The following NDUFS4 variants were observed in gnomAD, a reference collection of about 807,000 sequenced individuals.
The protein encoded by NDUFS4 is NADH:ubiquinone oxidoreductase subunit S4, also known as NADH dehydrogenase [ubiquinone] iron-sulfur protein 4, mitochondrial.
Under a neutral mutation model 24.3 loss-of-function variants are expected in NDUFS4, and 28 were observed. The ratio of observed to expected loss-of-function variants is 1.15; its 90% confidence interval spans 0.85 to 1.58. The LOEUF (loss-of-function observed/expected upper bound fraction) is 1.58, where lower values mean the gene tolerates loss of function less well. Ranked by LOEUF, NDUFS4 falls within the 40% of genes most tolerant of loss-of-function variation. The pLI is 0.00. For synonymous variants in NDUFS4, 93 were observed against 69.7 expected (o/e 1.34, Z -1.67); for missense variants, 223 against 207.9 (o/e 1.07, Z -0.45).
chr5:53,644,240 TTTCC>T (rs1751785001), intron 2 of NDUFS4, among the ~76,000 whole-genome samples: 1 of 152,118 alleles, frequency 6.6e-6, no homozygotes, highest in South Asian at 2.1e-4. Flanking sequence ...GTTTAATGTG[TTTCC>T]TTTCATATAG....
intron 4 of NDUFS4, among the ~76,000 whole-genome samples, chr5:53,676,542 A>G (rs1740475519): frequency 1.3e-5 from 2 of 152,200 alleles, no homozygotes; most frequent in African/African-American, 4.8e-5. Flanking sequence ...GGCACATCAC[A>G]GCTTTCTTGG....
chr5:53,634,775 G>C (rs148282439), intron 2 of NDUFS4, among the ~76,000 whole-genome samples: 1 of 151,546 alleles, frequency 6.6e-6, no homozygotes, highest in African/African-American at 2.4e-5. Flanking sequence ...TTTTCAAAAG[G>C]TAATGTTATA....
At chr5:53,614,891 G>T (rs546012648) in intron 2 of NDUFS4, among the ~76,000 whole-genome samples, 28 of 151,840 alleles carry the variant, frequency 1.8e-4, no homozygotes, top group Non-Finnish European at 3.2e-4. Flanking sequence ...TTAAGTTTAG[G>T]TTTTTTGTCA....
intron 4 of NDUFS4, among the ~76,000 whole-genome samples, chr5:53,671,036 A>T (rs182486280): frequency 6.6e-6 from 1 of 151,898 alleles, no homozygotes; most frequent in African/African-American, 2.4e-5. Flanking sequence ...TAGAGATGCT[A>T]TAAGTTTCTG....
intron 2 of NDUFS4, among the ~76,000 whole-genome samples, chr5:53,620,796 T>C (rs6897299): frequency 0.42 from 64,324 of 152,032 alleles, 14,465 homozygotes; most frequent in Admixed American, 0.5. Context: ...AATTTAATTC[T>C]GTAGTCAGCA....
intron 1 of NDUFS4, among the ~76,000 whole-genome samples, chr5:53,572,605 T>C (rs1749246287): frequency 6.6e-6 from 1 of 152,036 alleles, no homozygotes; most frequent in Non-Finnish European, 1.5e-5. Flanking sequence ...GCTCTTTGCC[T>C]AACCCCAGGC....
chr5:53,574,773 A>G (rs571653652), intron 1 of NDUFS4, among the ~76,000 whole-genome samples: 1 of 151,300 alleles, frequency 6.6e-6, no homozygotes, highest in South Asian at 2.1e-4. Context: ...TTTTTTTGTT[A>G]TTTATTTTTT....
At chr5:53,628,267 G>T (rs1751290222) in intron 2 of NDUFS4, among the ~76,000 whole-genome samples, 2 of 152,204 alleles carry the variant, frequency 1.3e-5, no homozygotes, top group Non-Finnish European at 2.9e-5. Flanking sequence ...TTGATGTGCT[G>T]CTGGATTTGG....
At chr5:53,565,919 A>G (rs903827755) in intron 1 of NDUFS4, among the ~76,000 whole-genome samples, 1 of 152,218 alleles carries the variant, frequency 6.6e-6, no homozygotes, top group Non-Finnish European at 1.5e-5. Context: ...CACGCCTGTA[A>G]TCCCAGCATT....
chr5:53,622,631 C>T (rs372032205), intron 2 of NDUFS4, among the ~76,000 whole-genome samples: 2 of 152,040 alleles, frequency 1.3e-5, no homozygotes, highest in East Asian at 1.9e-4. Flanking sequence ...AGAATACAAA[C>T]ATTCAGTTCA....
At chr5:53,589,130 G>A (rs911323577) in intron 1 of NDUFS4, among the ~76,000 whole-genome samples, 21 of 152,106 alleles carry the variant, frequency 1.4e-4, no homozygotes, top group African/African-American at 4.6e-4. Flanking sequence ...AGACCAAAAC[G>A]TAGGTTTTTA....
intron 3 of NDUFS4, among the ~76,000 whole-genome samples, chr5:53,656,040 C>A (rs1288252601): frequency 6.6e-6 from 1 of 152,058 alleles, no homozygotes; most frequent in Non-Finnish European, 1.5e-5. Context: ...TCTGGCAATC[C>A]TGGACTCCGT....
intron 2 of NDUFS4, among the ~76,000 whole-genome samples, chr5:53,640,443 G>A (rs1222649042): frequency 1.3e-5 from 2 of 152,112 alleles, no homozygotes; most frequent in Non-Finnish European, 2.9e-5. Flanking sequence ...TTATGGTTCT[G>A]TAGGCTGTGC....
intron 2 of NDUFS4, among the ~76,000 whole-genome samples, chr5:53,633,427 C>A (rs1751465491): frequency 6.6e-6 from 1 of 152,132 alleles, no homozygotes; most frequent in South Asian, 2.1e-4. Context: ...CTTACCTATA[C>A]ATTGAGGAAG....
chr5:53,661,539 A>C (rs561352039), intron 4 of NDUFS4, among the ~76,000 whole-genome samples: 45 of 152,320 alleles, frequency 3.0e-4, no homozygotes, highest in Middle Eastern at 6.8e-3. Context: ...TCTTTGAAGA[A>C]AGTCATTGGT....
Position 53,580,712 on chromosome 5 carries a change from C to A in NDUFS4, c.98+19952C>A, listed in dbSNP as rs527761891. 4.2e-3 allele frequency among the ~76,000 whole-genome samples: 303 copies of A among 72,462 alleles called. 2 individuals carry two copies. Among genetic ancestry groups the A allele is most frequent in the African/African-American group, 0.018 (285 of 16,084 alleles). The allele number at this position is 72,462 out of a possible 152,430, so 47.5% of individuals were successfully genotyped here. ...TCCTTCCTTTCCTTTCCTTTCCTTT[C>A]CTTTTCCTTTTCCTTTTCCCTTTCC... is the stretch of plus-strand genomic sequence containing the variant. On this transcript the variant is annotated intron_variant, in intron 1 of 4. Coordinates refer to ENST00000296684, the MANE Select transcript of NDUFS4 (RefSeq NM_002495.4).
At chr5:53,646,193 G>C in intron 2 of NDUFS4, 40 bp from the exon 3 acceptor site, 1 of 1,480,868 alleles carries the variant, frequency 6.8e-7, no homozygotes, top group Non-Finnish European at 9.3e-7. Flanking sequence ...TGTGTATGTA[G>C]GCTGTTTGAA....
chr5:53,633,588 T>C (rs889466220), intron 2 of NDUFS4, among the ~76,000 whole-genome samples: 1 of 151,468 alleles, frequency 6.6e-6, no homozygotes, highest in African/African-American at 2.4e-5. Flanking sequence ...TTTAACTCTT[T>C]TTTGGGTCTT....
intron 4 of NDUFS4, among the ~76,000 whole-genome samples, chr5:53,670,623 A>T (rs902718251): frequency 6.0e-5 from 9 of 148,882 alleles, no homozygotes. Flanking sequence ...GGTATACATT[A>T]TATATATATA....
Sources: gnomAD v4.1 joint callset for allele counts (sites outside exome capture counted in the v4.1 genomes callset) on GRCh38, gnomAD v4.1.1 for gene constraint, MANE v1.5 for transcripts, NCBI Gene and HGNC (gene_info 2026-07-23, HGNC 2026-07-21) for gene names.